SLC25A26: variants seen among roughly 807,000 people sequenced by gnomAD.
SLC25A26 encodes solute carrier family 25 member 26, also known as mitochondrial S-adenosylmethionine carrier protein.
In SLC25A26, 36 loss-of-function variants were observed where a neutral mutation model predicts 37.8. The observed-to-expected ratio is 0.95, with a 90% CI of 0.73 to 1.26. SLC25A26 has a LOEUF of 1.26. Ranked by LOEUF, SLC25A26 falls within the 50% of genes most tolerant of loss-of-function variation. The probability of loss-of-function intolerance (pLI) is 0.00; values close to 1 mark genes in which losing one functional copy is unlikely to be tolerated. For synonymous variants in SLC25A26, 129 were observed against 122.5 expected (o/e 1.05, Z -0.35); for missense variants, 390 against 331.1 (o/e 1.18, Z -1.38).
intron 3 of SLC25A26, among the ~76,000 whole-genome samples, chr3:66,245,819 C>T (rs2072810365): frequency 6.6e-6 from 1 of 152,116 alleles, no homozygotes; most frequent in Non-Finnish European, 1.5e-5. Context: ...TATTGAGATA[C>T]AGTTCACATA....
intron 3 of SLC25A26, among the ~76,000 whole-genome samples, chr3:66,256,165 T>G (rs1480664200): frequency 6.6e-6 from 1 of 152,132 alleles, no homozygotes; most frequent in Non-Finnish European, 1.5e-5. Flanking sequence ...TCTTATTTTT[T>G]CTTATTTATT....
intron 9 of SLC25A26, chr3:66,371,518 G>GAAT (rs1462940643): frequency 7.5e-7 from 1 of 1,334,822 alleles, no homozygotes; most frequent in Non-Finnish European, 9.7e-7. Context: ...TGGTTTTGTT[G>GAAT]AATGTGACAA....
chr3:66,362,353 A>C (rs1347738829), intron 6 of SLC25A26, among the ~76,000 whole-genome samples: 1 of 152,236 alleles, frequency 6.6e-6, no homozygotes, highest in Non-Finnish European at 1.5e-5. Context: ...TTACTAATGA[A>C]GAAGAAGGCA....
chr3:66,369,083 A>G (rs1700202023), intron 7 of SLC25A26, among the ~76,000 whole-genome samples: 1 of 146,896 alleles, frequency 6.8e-6, no homozygotes, highest in African/African-American at 2.6e-5. Flanking sequence ...TGGCCTATAG[A>G]AAGTCATGAA....
At chr3:66,294,861 A>C (rs1003795586) in intron 5 of SLC25A26, among the ~76,000 whole-genome samples, 2 of 152,226 alleles carry the variant, frequency 1.3e-5, no homozygotes, top group Non-Finnish European at 2.9e-5. Context: ...GTTTGTGGAC[A>C]GTAAAGAATC....
chr3:66,161,109 G>A (rs1465085066), intron 1 of SLC25A26, among the ~76,000 whole-genome samples: 1 of 151,766 alleles, frequency 6.6e-6, no homozygotes, highest in East Asian at 1.9e-4. Context: ...ATTATTGGGT[G>A]GTTGCAATTA....
chr3:66,290,344 A>G (rs762431105), intron 5 of SLC25A26, among the ~76,000 whole-genome samples: 18 of 152,174 alleles, frequency 1.2e-4, no homozygotes, highest in Non-Finnish European at 2.2e-4. Context: ...AGAACTTCCA[A>G]TACTCTGTTG....
chr3:66,162,807 C>T (rs1016446986), intron 1 of SLC25A26, among the ~76,000 whole-genome samples: 5 of 152,164 alleles, frequency 3.3e-5, no homozygotes, highest in Non-Finnish European at 7.3e-5. Flanking sequence ...AATAAGATTC[C>T]CTGCACATGG....
chr3:66,329,728 A>G (rs140551575), intron 5 of SLC25A26, among the ~76,000 whole-genome samples: 78 of 152,116 alleles, frequency 5.1e-4, no homozygotes, highest in African/African-American at 1.3e-3. Context: ...ACTTTATTCA[A>G]TTTTACTTAT....
chr3:66,310,852 G>C (rs2075356942), intron 5 of SLC25A26, among the ~76,000 whole-genome samples: 1 of 152,222 alleles, frequency 6.6e-6, no homozygotes, highest in South Asian at 2.1e-4. Flanking sequence ...CGTTTCTACA[G>C]AGAGATCTGC....
At chr3:66,134,972 A>G (rs2069925203) in intron 1 of SLC25A26, among the ~76,000 whole-genome samples, 1 of 152,022 alleles carries the variant, frequency 6.6e-6, no homozygotes, top group Admixed American at 6.6e-5. Flanking sequence ...CTGGGATTAT[A>G]GGCACCTACC....
intron 1 of SLC25A26, among the ~76,000 whole-genome samples, chr3:66,142,959 A>G (rs1314534441): frequency 6.6e-6 from 1 of 151,860 alleles, no homozygotes; most frequent in Admixed American, 6.6e-5. Context: ...TAGAGATGGG[A>G]TCTCACTATG....
intron 9 of SLC25A26, chr3:66,371,151 G>T: frequency 7.0e-7 from 1 of 1,429,316 alleles, no homozygotes; most frequent in Non-Finnish European, 9.2e-7. Context: ...TTGTGAAGCC[G>T]CCTGAATGTT....
chr3:66,328,401 A>G (rs888699409), intron 5 of SLC25A26, among the ~76,000 whole-genome samples: 5 of 152,202 alleles, frequency 3.3e-5, no homozygotes. Context: ...AACTCAGAAC[A>G]TGTGGTCCTA....
At chr3:66,354,093 T>C (rs747700931) in intron 6 of SLC25A26, among the ~76,000 whole-genome samples, 5 of 152,312 alleles carry the variant, frequency 3.3e-5, no homozygotes, top group African/African-American at 4.8e-5. Flanking sequence ...TCTTTTCTTA[T>C]CAAGCTTTAA....
chr3:66,348,068 CATG>C (rs1371144363), intron 6 of SLC25A26, among the ~76,000 whole-genome samples: 2 of 152,166 alleles, frequency 1.3e-5, no homozygotes, highest in African/African-American at 4.8e-5. Flanking sequence ...AACAAACCAC[CATG>C]GGTCACATTT....
chr3:66,342,467 A>G (rs2107722018), intron 5 of SLC25A26, among the ~76,000 whole-genome samples: 1 of 152,338 alleles, frequency 6.6e-6, no homozygotes, highest in East Asian at 1.9e-4. Flanking sequence ...TTAGGGCTAA[A>G]TGATACCTTA....
At chr3:66,313,345 C>T (rs2075437421) in intron 5 of SLC25A26, among the ~76,000 whole-genome samples, 2 of 152,102 alleles carry the variant, frequency 1.3e-5, no homozygotes, top group Admixed American at 1.3e-4. Context: ...TATGGCTTGC[C>T]AGTTCTCCCA....
intron 1 of SLC25A26, among the ~76,000 whole-genome samples, chr3:66,193,861 T>A (rs1199538931): frequency 7.9e-5 from 12 of 152,104 alleles, no homozygotes; most frequent in African/African-American, 2.9e-4. Context: ...ACAAGAAAAG[T>A]CTTGGAGAAA....
Sources: gnomAD v4.1 joint callset for allele counts (sites outside exome capture counted in the v4.1 genomes callset) on GRCh38, gnomAD v4.1.1 for gene constraint, MANE v1.5 for transcripts, NCBI Gene and HGNC (gene_info 2026-07-23, HGNC 2026-07-21) for gene names.